Variants in RASGRF2 observed in about 807,000 individuals in gnomAD.
The protein encoded by RASGRF2 is Ras protein specific guanine nucleotide releasing factor 2, also known as ras-specific guanine nucleotide-releasing factor 2.
RASGRF2 carries 76 observed loss-of-function variants against 151.0 expected under a neutral mutation model. The observed-to-expected ratio is 0.50, with a 90% confidence interval of 0.42 to 0.61. The LOEUF is 0.61. Among genes scored for constraint, RASGRF2 ranks in the 20% least tolerant of loss-of-function variants. RASGRF2 has a pLI of 0.00. For missense variants in RASGRF2, 1,148 were observed against 1,564.6 expected (o/e 0.73, Z 4.49); for synonymous variants, 504 against 566.5 (o/e 0.89, Z 1.57).
intron 24 of RASGRF2, 114 bp from the exon 25 acceptor site, chr5:81,217,242 G>A (rs1472327407): frequency 2.1e-6 from 3 of 1,419,722 alleles, no homozygotes; most frequent in African/African-American, 2.9e-5. Context: ...GAAATAAAAA[G>A]GTTTTGCTCT....
intron 1 of RASGRF2, among the ~76,000 whole-genome samples, chr5:80,998,315 C>A (rs1220154542): frequency 6.6e-6 from 1 of 152,150 alleles, no homozygotes; most frequent in Non-Finnish European, 1.5e-5. Context: ...CTACTTTCTG[C>A]CCTACCTCTT....
chr5:81,001,183 C>G (rs1465150287), intron 1 of RASGRF2, among the ~76,000 whole-genome samples: 1 of 152,146 alleles, frequency 6.6e-6, no homozygotes, highest in African/African-American at 2.4e-5. Flanking sequence ...CAATTACTTC[C>G]CAGACAATAG....
intron 1 of RASGRF2, among the ~76,000 whole-genome samples, chr5:81,037,302 G>A (rs1750532849): frequency 6.6e-6 from 1 of 152,140 alleles, no homozygotes; most frequent in Admixed American, 6.6e-5. Context: ...TATGTATTCT[G>A]CCCTAATACT....
chr5:81,141,207 A>G (rs987262637), intron 17 of RASGRF2, among the ~76,000 whole-genome samples: 1 of 151,976 alleles, frequency 6.6e-6, no homozygotes, highest in Non-Finnish European at 1.5e-5. Context: ...TTCCAGAGAC[A>G]CTCCTAAATA....
chr5:81,004,373 T>C (rs1561549297), intron 1 of RASGRF2, among the ~76,000 whole-genome samples: 1 of 152,228 alleles, frequency 6.6e-6, no homozygotes, highest in Non-Finnish European at 1.5e-5. Context: ...GCAGCCCTTT[T>C]TGTATCTGGG....
intron 4 of RASGRF2, among the ~76,000 whole-genome samples, chr5:81,072,359 G>A (rs978392010): frequency 6.6e-5 from 10 of 152,200 alleles, no homozygotes; most frequent in Non-Finnish European, 1.3e-4. Context: ...GCAGGCAAGA[G>A]AATTTTAGAC....
intron 17 of RASGRF2, among the ~76,000 whole-genome samples, chr5:81,170,132 CCACCTGCAT>C (rs1298441276): frequency 6.6e-6 from 1 of 150,630 alleles, no homozygotes; most frequent in Non-Finnish European, 1.5e-5. Flanking sequence ...ATCACCTGCA[CCACCTGCAT>C]CACCTGCACC....
rs896223015 is a variant in RASGRF2, at chr5:81,070,586, G to C, written c.633+5G>C. The C allele has an allele frequency of 9.4e-6, 15 of 1,593,268 alleles. No homozygotes were observed. Among genetic ancestry groups the C allele is most frequent in the Non-Finnish European group, 1.3e-5 (15 of 1,161,440 alleles). On this transcript the variant is annotated splice_donor_5th_base_variant and intron_variant, in intron 4 of 26. Coordinates refer to ENST00000265080, the MANE Select transcript of RASGRF2 (RefSeq NM_006909.3). ...GACATCAAGAAGATTAAAAAGGTAGGGCCTGGAGGTTTCCAGCTTTGTAGG... is the reference window on the plus strand; with the variant it reads ...GACATCAAGAAGATTAAAAAGGTAGCGCCTGGAGGTTTCCAGCTTTGTAGG...
chr5:80,964,496 C>T (rs1747663836), intron 1 of RASGRF2, among the ~76,000 whole-genome samples: 1 of 151,864 alleles, frequency 6.6e-6, no homozygotes, highest in African/African-American at 2.4e-5. Flanking sequence ...TTAACATCAT[C>T]GTTATTATTA....
At chr5:81,207,078 T>G (rs1561260163) in intron 20 of RASGRF2, among the ~76,000 whole-genome samples, 168 bp from the exon 21 acceptor site, 2 of 152,232 alleles carry the variant, frequency 1.3e-5, no homozygotes, top group African/African-American at 4.8e-5. Context: ...TGGTCTAAGA[T>G]ATTCATGTTG....
intron 2 of RASGRF2, among the ~76,000 whole-genome samples, chr5:81,065,039 G>A (rs574458664): frequency 6.6e-6 from 1 of 152,186 alleles, no homozygotes; most frequent in African/African-American, 2.4e-5. Flanking sequence ...CAGCAGCAAG[G>A]AAATGAACTT....
chr5:81,201,558 C>T, intron 19 of RASGRF2, 116 bp downstream of exon 19: 1 of 1,148,074 alleles, frequency 8.7e-7, no homozygotes, highest in South Asian at 1.6e-5. Flanking sequence ...ATGTTCTCAG[C>T]AGTAAAGTGT....
intron 1 of RASGRF2, among the ~76,000 whole-genome samples, chr5:81,027,978 T>G (rs10491485): frequency 0.029 from 4,452 of 152,198 alleles, 220 homozygotes; most frequent in Admixed American, 0.14. Context: ...GAGATATACC[T>G]GTGTGGAGAG....
At chr5:81,211,825 T>C (rs980362604) in intron 22 of RASGRF2, among the ~76,000 whole-genome samples, 1 of 152,232 alleles carries the variant, frequency 6.6e-6, no homozygotes, top group Non-Finnish European at 1.5e-5. Flanking sequence ...TGGTGAAGAA[T>C]AAGATGAAGA....
At chr5:80,964,005 T>G (rs1188163247) in intron 1 of RASGRF2, among the ~76,000 whole-genome samples, 4 of 152,044 alleles carry the variant, frequency 2.6e-5, no homozygotes, top group Admixed American at 6.6e-5. Context: ...ATCCGTTTTT[T>G]TTTTTTTTTT....
intron 26 of RASGRF2, among the ~76,000 whole-genome samples, chr5:81,223,783 C>G (rs1755913568): frequency 6.6e-6 from 1 of 151,984 alleles, no homozygotes; most frequent in African/African-American, 2.4e-5. Flanking sequence ...CAGAAAGAAA[C>G]TGACCATTCA....
chr5:81,102,652 G>A (rs1030617959), intron 12 of RASGRF2, among the ~76,000 whole-genome samples: 1 of 149,920 alleles, frequency 6.7e-6, no homozygotes, highest in Admixed American at 6.7e-5. Context: ...CCGAGATCAT[G>A]CCACTGCATT....
At chr5:80,988,171 C>T (rs575224338) in intron 1 of RASGRF2, among the ~76,000 whole-genome samples, 1 of 152,022 alleles carries the variant, frequency 6.6e-6, no homozygotes, top group Non-Finnish European at 1.5e-5. Context: ...CAACCTCAGT[C>T]TCCCAAGCAG....
rs1484669953 is a variant in RASGRF2, at chr5:81,083,982, A to G, written c.1162-1820A>G. Reference sequence around the variant, plus strand: ...ATTTATAATCAGCTCTTGAAGATACAGATGAGCCCTTTGGAGAGCTGACCA... The same window carrying G: ...ATTTATAATCAGCTCTTGAAGATACGGATGAGCCCTTTGGAGAGCTGACCA... On this transcript the variant is annotated intron_variant, in intron 7 of 26. Coordinates refer to ENST00000265080, the MANE Select transcript of RASGRF2 (RefSeq NM_006909.3). Among the ~76,000 whole-genome samples the G allele has an allele frequency of 2.0e-5, 3 of 152,374 alleles. No homozygotes were observed. The East Asian group carries it at 5.8e-4, about 29-fold the overall frequency.
Sources: allele counts gnomAD v4.1 joint callset (sites outside exome capture counted in the v4.1 genomes callset), GRCh38; gene constraint gnomAD v4.1.1; transcripts MANE v1.5; gene names NCBI Gene and HGNC (gene_info 2026-07-23, HGNC 2026-07-21).